GRID1: variants seen among roughly 807,000 people sequenced by gnomAD.
GRID1 encodes glutamate ionotropic receptor delta type subunit 1, also known as glutamate receptor ionotropic, delta-1.
In GRID1, 28 loss-of-function variants were observed where a neutral mutation model predicts 98.0. The observed-to-expected ratio is 0.29, with a 90% CI of 0.21 to 0.39. The LOEUF (loss-of-function observed/expected upper bound fraction) is 0.39. Among genes scored for constraint, GRID1 ranks in the 10% least tolerant of loss-of-function variants. The pLI is 1.00. For synonymous variants in GRID1, 553 were observed against 538.5 expected (o/e 1.03, Z -0.37); for missense variants, 1,111 against 1,340.5 (o/e 0.83, Z 2.67).
intron 4 of GRID1, among the ~76,000 whole-genome samples, chr10:86,112,992 GC>G (rs945271886): frequency 2.6e-5 from 4 of 152,150 alleles, no homozygotes; most frequent in African/African-American, 7.2e-5. Context: ...AGACTCAGAA[GC>G]CCTCAATGAC....
chr10:85,722,574 TCTA>T (rs1372919202), intron 12 of GRID1, among the ~76,000 whole-genome samples: 1 of 152,198 alleles, frequency 6.6e-6, no homozygotes, highest in Non-Finnish European at 1.5e-5. Flanking sequence ...AAATATGTTT[TCTA>T]CTTATTGTGG....
intron 4 of GRID1, among the ~76,000 whole-genome samples, chr10:86,098,475 C>T (rs1362416363): frequency 1.3e-5 from 2 of 152,170 alleles, no homozygotes; most frequent in African/African-American, 4.8e-5. Flanking sequence ...AGATTATCAC[C>T]CATTTTTTAT....
intron 2 of GRID1, among the ~76,000 whole-genome samples, chr10:86,316,151 G>A (rs886590078): frequency 1.3e-5 from 2 of 152,176 alleles, no homozygotes; most frequent in Non-Finnish European, 2.9e-5. Context: ...GTCCACACTG[G>A]GGACCTCCAC....
rs905528529 is a variant in GRID1, at chr10:85,878,531, G to T, written c.781-9351C>A. ...TATCCAGCCAAACTAAGATTCATAA[G>T]TGAAGGAGAAATAAAATACTTTACA... is the stretch of plus-strand genomic sequence containing the variant. On this transcript the variant is annotated intron_variant, in intron 5 of 15. Transcript: ENST00000327946. Among the ~76,000 whole-genome samples, 29 of 152,248 alleles carry T rather than the reference G, an allele frequency of 1.9e-4. No homozygotes were observed. In the East Asian group the frequency reaches 3.3e-3, roughly 17 times the overall value.
chr10:85,670,444 C>G (rs1450953493), intron 12 of GRID1, among the ~76,000 whole-genome samples: 1 of 152,126 alleles, frequency 6.6e-6, no homozygotes, highest in Admixed American at 6.5e-5. Context: ...AGGAACACTG[C>G]TTTTCAAGAA....
intron 4 of GRID1, among the ~76,000 whole-genome samples, chr10:86,069,615 T>C (rs562501111): frequency 7.9e-5 from 12 of 152,214 alleles, no homozygotes; most frequent in African/African-American, 2.4e-4. Context: ...ACCACTGCAC[T>C]CTAGCCTGGG....
rs1451126049 is a variant in GRID1, at chr10:85,869,027, A to G, written c.934T>C (p.Tyr312His). 10 of 1,613,794 alleles carry G rather than the reference A, an allele frequency of 6.2e-6. No individual in the cohort carries two copies. The highest frequency in any genetic ancestry group is 8.5e-6 in the Non-Finnish European group (10 of 1,179,882). Residue 312 changes from tyrosine to histidine, a missense_variant, in exon 6 of 16, where the codon TAC becomes CAC. Tyr to His is a moderately conservative substitution (Grantham distance 83). Coordinates refer to ENST00000327946, the MANE Select transcript of GRID1 (RefSeq NM_017551.3). The part of the protein sequence containing the change: ...SSLLCDPQEG[Y>H]LQMLQISNLY... ...GCACTGACCTGCAGCATCTGGAGGT[A>G]GCCTTCCTGGGGGTCGCAGAGCAGG... is the stretch of plus-strand genomic sequence containing the variant.
chr10:86,090,344 C>T (rs1844127693), intron 4 of GRID1, among the ~76,000 whole-genome samples: 1 of 151,768 alleles, frequency 6.6e-6, no homozygotes, highest in South Asian at 2.1e-4. Flanking sequence ...ACCTGGGAGG[C>T]AGAGGTTGCC....
intron 8 of GRID1, among the ~76,000 whole-genome samples, chr10:85,738,895 G>A (rs1841912695): frequency 6.6e-6 from 1 of 152,112 alleles, no homozygotes. Context: ...TGGGGCTAAT[G>A]GAAGTGTTCT....
chr10:85,964,303 A>G (rs1295368258), intron 4 of GRID1, among the ~76,000 whole-genome samples: 2 of 152,234 alleles, frequency 1.3e-5, no homozygotes, highest in Non-Finnish European at 2.9e-5. Flanking sequence ...TAAATTTCAT[A>G]TGGAACCAAA....
Position 86,033,660 on chromosome 10 carries a change from G to A in GRID1, c.726+105159C>T, listed in dbSNP as rs373843101. 7.9e-5 allele frequency among the ~76,000 whole-genome samples: 12 copies of A among 152,282 alleles called. No individual in the cohort carries two copies. The East Asian group carries it at 9.6e-4, about 12-fold the overall frequency. The stretch of plus-strand genomic sequence containing the variant: ...ATAGTCCCAGGAAGATGGGCCACCC[G>A]GAGCCCTCTCAGTTGGCCACTGGGC... On this transcript the variant is annotated intron_variant, in intron 4 of 15. Transcript: ENST00000327946.
intron 8 of GRID1, among the ~76,000 whole-genome samples, chr10:85,745,618 T>C (rs1841988711): frequency 7.5e-6 from 1 of 133,418 alleles, no homozygotes. Flanking sequence ...ATATACCTAA[T>C]GCTAGATGAC....
chr10:86,338,263 G>T (rs1348829397), intron 2 of GRID1, among the ~76,000 whole-genome samples: 3 of 142,524 alleles, frequency 2.1e-5, no homozygotes, highest in Admixed American at 2.0e-4. Context: ...ACATGAACCA[G>T]GGTGGGCCAA....
chr10:85,618,593 T>A (rs1173991223), intron 14 of GRID1, among the ~76,000 whole-genome samples: 1 of 152,158 alleles, frequency 6.6e-6, no homozygotes, highest in African/African-American at 2.4e-5. Context: ...AAAGCCTCAT[T>A]TACCTTAATT....
At chr10:85,964,032 A>G (rs887309004) in intron 4 of GRID1, among the ~76,000 whole-genome samples, 13 of 152,310 alleles carry the variant, frequency 8.5e-5, no homozygotes, top group African/African-American at 3.1e-4. Context: ...ACTCCCATTC[A>G]CAATTGCTAC....
At chr10:85,686,509 T>C (rs1841270954) in intron 12 of GRID1, among the ~76,000 whole-genome samples, 1 of 152,196 alleles carries the variant, frequency 6.6e-6, no homozygotes, top group African/African-American at 2.4e-5. Context: ...CTTTACTATA[T>C]GGTATCTAAA....
chr10:86,237,309 G>A (rs1225900899), intron 2 of GRID1, among the ~76,000 whole-genome samples: 1 of 152,144 alleles, frequency 6.6e-6, no homozygotes, highest in Non-Finnish European at 1.5e-5. Flanking sequence ...TGTTGGACGG[G>A]GGGCCTGGTG....
chr10:85,845,714 T>C (rs1192640908), intron 8 of GRID1, among the ~76,000 whole-genome samples: 1 of 152,182 alleles, frequency 6.6e-6, no homozygotes, highest in African/African-American at 2.4e-5. Context: ...ACCTATCTTT[T>C]CAATGGCAGT....
chr10:86,117,314 A>C (rs1468841164), intron 4 of GRID1, among the ~76,000 whole-genome samples: 1 of 150,450 alleles, frequency 6.6e-6, no homozygotes, highest in Non-Finnish European at 1.5e-5. Flanking sequence ...TCATCACAGC[A>C]ATCACATCAC....
Sources: gnomAD v4.1 joint callset for allele counts (sites outside exome capture counted in the v4.1 genomes callset) on GRCh38, gnomAD v4.1.1 for gene constraint, MANE v1.5 for transcripts, NCBI Gene and HGNC (gene_info 2026-07-23, HGNC 2026-07-21) for gene names.